The following OR10J1 variants were observed in gnomAD, a reference collection of about 807,000 sequenced individuals.
OR10J1 encodes olfactory receptor family 10 subfamily J member 1.
For missense variants in OR10J1, 474 were observed against 376.6 expected (o/e 1.26, Z -2.14); for synonymous variants, 202 against 143.8 (o/e 1.40, Z -2.89).
chr1:159,404,075 C>G, the OR10J1 span, among the ~76,000 whole-genome samples: 1 of 151,958 alleles, frequency 6.6e-6, no homozygotes, highest in East Asian at 1.9e-4. Context: ...AACAATTGAA[C>G]TCATGGGCAT....
the OR10J1 span, among the ~76,000 whole-genome samples, chr1:159,417,320 G>A: frequency 6.6e-6 from 1 of 151,752 alleles, no homozygotes; most frequent in Non-Finnish European, 1.5e-5. Context: ...TGATCAAATG[G>A]CCTTTGAGGA....
At chr1:159,439,145 T>A (rs1655827362), upstream of OR10J1, among the ~76,000 whole-genome samples, 1 of 152,182 alleles carries the variant, frequency 6.6e-6, no homozygotes, top group African/African-American at 2.4e-5. Flanking sequence ...ATTTTCCTTT[T>A]TCTTCTTGAA....
chr1:159,431,140 G>C, the OR10J1 span, among the ~76,000 whole-genome samples: 1 of 152,140 alleles, frequency 6.6e-6, no homozygotes, highest in Admixed American at 6.6e-5. Flanking sequence ...AATATTTGGG[G>C]ATATTGGAAG....
At chr1:159,401,412 A>C in the OR10J1 span, among the ~76,000 whole-genome samples, 9 of 152,158 alleles carry the variant, frequency 5.9e-5, no homozygotes, top group African/African-American at 1.9e-4. Flanking sequence ...GAAATGAAGA[A>C]GGTGGCATTG....
At chr1:159,416,832 T>G in the OR10J1 span, among the ~76,000 whole-genome samples, 3,638 of 152,116 alleles carry the variant, frequency 0.024, 159 homozygotes, top group African/African-American at 0.078. Context: ...GTCTAGAAAT[T>G]TATTCATTTC....
At chr1:159,406,569 C>A in the OR10J1 span, among the ~76,000 whole-genome samples, 3 of 151,898 alleles carry the variant, frequency 2.0e-5, no homozygotes, top group Non-Finnish European at 4.4e-5. Context: ...CATCTAATGA[C>A]CTACTGGATT....
chr1:159,397,950 C>T, the OR10J1 span, among the ~76,000 whole-genome samples: 1 of 152,192 alleles, frequency 6.6e-6, no homozygotes, highest in Non-Finnish European at 1.5e-5. Flanking sequence ...TTGGGCAAGC[C>T]CCAGCACTAT....
At chr1:159,410,046 G>A in the OR10J1 span, among the ~76,000 whole-genome samples, 1 of 152,124 alleles carries the variant, frequency 6.6e-6, no homozygotes, top group Non-Finnish European at 1.5e-5. Context: ...CAGGGATAAA[G>A]CCCACTTGAT....
At chr1:159,423,806 G>A in the OR10J1 span, among the ~76,000 whole-genome samples, 6 of 152,166 alleles carry the variant, frequency 3.9e-5, no homozygotes, top group East Asian at 3.8e-4. Flanking sequence ...AGATACTGAC[G>A]TCTGGGTGCT....
the OR10J1 span, among the ~76,000 whole-genome samples, chr1:159,410,438 C>T: frequency 1.2e-4 from 18 of 152,052 alleles, no homozygotes; most frequent in African/African-American, 3.6e-4. Flanking sequence ...AGGGTGTATG[C>T]GTCAAGGAAT....
chr1:159,401,823 G>C, the OR10J1 span, among the ~76,000 whole-genome samples: 2 of 151,932 alleles, frequency 1.3e-5, no homozygotes, highest in Non-Finnish European at 2.9e-5. Context: ...TATTTTTTAT[G>C]AATATTGATG....
chr1:159,422,322 C>T, the OR10J1 span, among the ~76,000 whole-genome samples: 1 of 152,136 alleles, frequency 6.6e-6, no homozygotes, highest in Non-Finnish European at 1.5e-5. Flanking sequence ...CACTGTGGCC[C>T]TACTACTGAG....
At chr1:159,399,435 G>A in the OR10J1 span, among the ~76,000 whole-genome samples, 24 of 151,902 alleles carry the variant, frequency 1.6e-4, no homozygotes, top group African/African-American at 5.1e-4. Flanking sequence ...GCCGGGCATC[G>A]TGGTGGGCAC....
chr1:159,409,276 C>T, the OR10J1 span, among the ~76,000 whole-genome samples: 2 of 151,994 alleles, frequency 1.3e-5, no homozygotes, highest in Admixed American at 1.3e-4. Flanking sequence ...AATTTACCTG[C>T]GCTGCATGAA....
the OR10J1 span, among the ~76,000 whole-genome samples, chr1:159,399,261 A>AAT: frequency 6.6e-6 from 1 of 152,146 alleles, no homozygotes; most frequent in Non-Finnish European, 1.5e-5. Flanking sequence ...AGGTTTTATT[A>AAT]ATACCAGGTC....
the OR10J1 span, among the ~76,000 whole-genome samples, chr1:159,411,064 C>A: frequency 1.3e-5 from 2 of 152,078 alleles, no homozygotes; most frequent in Non-Finnish European, 2.9e-5. Context: ...GTCTGAGAGA[C>A]AGTTTGTTAT....
the OR10J1 span, among the ~76,000 whole-genome samples, chr1:159,428,078 T>C: frequency 6.6e-6 from 1 of 152,150 alleles, no homozygotes; most frequent in Non-Finnish European, 1.5e-5. Context: ...GCAAGCATCA[T>C]GTTTAATGGT....
chr1:159,401,859 A>C, the OR10J1 span, among the ~76,000 whole-genome samples: 102 of 152,198 alleles, frequency 6.7e-4, no homozygotes, highest in African/African-American at 2.4e-3. Context: ...AAATACTAGC[A>C]AACAGAATCC....
chr1:159,422,067 A>G, the OR10J1 span, among the ~76,000 whole-genome samples: 1 of 152,088 alleles, frequency 6.6e-6, no homozygotes, highest in Admixed American at 6.5e-5. Context: ...ATGTGATGCT[A>G]TCTGTTGTAG....
Sources: gnomAD v4.1 joint callset for allele counts (sites outside exome capture counted in the v4.1 genomes callset) on GRCh38, gnomAD v4.1.1 for gene constraint, MANE v1.5 for transcripts, NCBI Gene and HGNC (gene_info 2026-07-23, HGNC 2026-07-21) for gene names.